DMXL2: variants seen among roughly 807,000 people sequenced by gnomAD.
The protein encoded by DMXL2 is dmX-like protein 2.
DMXL2 carries 103 observed loss-of-function variants against 331.1 expected under a neutral mutation model. The ratio of observed to expected loss-of-function variants is 0.31; its 90% CI spans 0.27 to 0.37. The LOEUF (loss-of-function observed/expected upper bound fraction) is 0.37, where lower values mean the gene tolerates loss of function less well. Among genes scored for constraint, DMXL2 ranks in the 10% least tolerant of loss-of-function variants. The pLI is 1.00. For missense variants in DMXL2, 3,171 were observed against 3,642.9 expected (o/e 0.87, Z 3.33); for synonymous variants, 1,281 against 1,252.1 (o/e 1.02, Z -0.49).
intron 39 of DMXL2, 147 bp from the exon 40 acceptor site, chr15:51,455,375 G>T: frequency 4.2e-6 from 3 of 721,160 alleles, no homozygotes; most frequent in Non-Finnish European, 6.9e-6. Flanking sequence ...AAAAGTCCAA[G>T]TGCTAAAAAA....
intron 6 of DMXL2, among the ~76,000 whole-genome samples, chr15:51,558,949 G>A (rs1018576046): frequency 6.6e-5 from 10 of 151,684 alleles, no homozygotes; most frequent in African/African-American, 2.4e-4. Context: ...GTAATGCTAC[G>A]TATTTTATTT....
chr15:51,453,554 T>A lies in DMXL2; in HGVS notation c.8692A>T (p.Asn2898Tyr). Reference sequence around the variant, plus strand: ...TTTGCTTTTCTGTCAACCTACCTATTGTCATTGGAGTGTCCAGATGTGGCA... The same window carrying A: ...TTTGCTTTTCTGTCAACCTACCTATAGTCATTGGAGTGTCCAGATGTGGCA... Reference protein sequence around the residue: ...LVATSGHSNDNRNVCLWDTLI... With the variant: ...LVATSGHSNDYRNVCLWDTLI... The change falls in exon 41 of 44, where the codon AAT (asparagine) becomes TAT (tyrosine). Residue 2898 changes from asparagine (N) to tyrosine (Y), a missense_variant. Physicochemically the swap from Asn to Tyr is moderately radical, Grantham distance 143. Coordinates refer to ENST00000560891, the MANE Select transcript of DMXL2 (RefSeq NM_001378457.1). The A allele has an allele frequency of 1.9e-6, 3 of 1,604,140 alleles. No homozygotes were observed. The highest frequency in any genetic ancestry group is 2.6e-6 in the Non-Finnish European group (3 of 1,175,832).
At chr15:51,622,176 G>C (rs1463940084) in intron 1 of DMXL2, among the ~76,000 whole-genome samples, 2 of 152,192 alleles carry the variant, frequency 1.3e-5, no homozygotes, top group Non-Finnish European at 1.5e-5. Flanking sequence ...GGCCGCCCTA[G>C]GAGGAGCCTT....
chr15:51,549,570 C>T (rs1486883090), intron 6 of DMXL2, among the ~76,000 whole-genome samples: 1 of 152,100 alleles, frequency 6.6e-6, no homozygotes, highest in Non-Finnish European at 1.5e-5. Context: ...GTTTACATTC[C>T]CAACATCAGT....
intron 13 of DMXL2, among the ~76,000 whole-genome samples, chr15:51,521,353 TAATA>T (rs2047350920): frequency 1.3e-5 from 2 of 151,646 alleles, no homozygotes; most frequent in African/African-American, 4.8e-5. Context: ...TTAAGTGAGT[TAATA>T]TATATAAAAC....
At chr15:51,526,003 C>T (rs1476758953) in intron 13 of DMXL2, among the ~76,000 whole-genome samples, 1 of 151,752 alleles carries the variant, frequency 6.6e-6, no homozygotes, top group African/African-American at 2.4e-5. Flanking sequence ...AGAACCAGTG[C>T]TGTGCTGGCT....
intron 1 of DMXL2, among the ~76,000 whole-genome samples, chr15:51,607,524 G>T (rs2053674768): frequency 6.6e-6 from 1 of 152,150 alleles, no homozygotes; most frequent in African/African-American, 2.4e-5. Flanking sequence ...AATAAAGTCA[G>T]AAAGTCTGAA....
At chr15:51,515,464 T>C (rs1211170238) in intron 14 of DMXL2, among the ~76,000 whole-genome samples, 3 of 152,182 alleles carry the variant, frequency 2.0e-5, no homozygotes, top group Non-Finnish European at 4.4e-5. Context: ...TACAATTTTA[T>C]GAAAGTTATA....
chr15:51,463,303 T>G, intron 33 of DMXL2, 76 bp downstream of exon 33: 1 of 915,116 alleles, frequency 1.1e-6, no homozygotes, highest in Non-Finnish European at 1.7e-6. Flanking sequence ...TCAGAATAAA[T>G]CAAGCACTGA....
At chr15:51,565,047 A>T in intron 4 of DMXL2, 41 bp downstream of exon 4, 1 of 1,145,028 alleles carries the variant, frequency 8.7e-7, no homozygotes, top group Non-Finnish European at 1.2e-6. Flanking sequence ...ATTTAAAACA[A>T]ATATTTAATT....
At chr15:51,553,500 T>C (rs574420185) in intron 6 of DMXL2, among the ~76,000 whole-genome samples, 1 of 152,316 alleles carries the variant, frequency 6.6e-6, no homozygotes, top group African/African-American at 2.4e-5. Flanking sequence ...ACAATATATA[T>C]GTTAAAGTAC....
chr15:51,621,536 G>A (rs1375895563), intron 1 of DMXL2, among the ~76,000 whole-genome samples: 1 of 152,122 alleles, frequency 6.6e-6, no homozygotes, highest in Non-Finnish European at 1.5e-5. Flanking sequence ...CTTTAAAAAA[G>A]AACTCAATTT....
rs541992828 is a variant in DMXL2 at position 51,451,502 on chromosome 15, TAGTC to T, written c.8749+139_8749+142del. ...TATGCTAATTAACTTTCCAAATTTT[TAGTC>T]ATTCATTCTAAATATTTCTCCATTT... On this transcript the variant is annotated intron_variant, in intron 42 of 43. Coordinates refer to ENST00000560891, the MANE Select transcript of DMXL2 (RefSeq NM_001378457.1). The T allele has an allele frequency of 1.4e-4, 90 of 650,522 alleles. 1 individual carries two copies. In the African/African-American group the frequency reaches 1.5e-3, roughly 11 times the overall value. 40.3% of individuals were successfully genotyped at this position (650,522 alleles called of 1,614,324 possible).
rs1375621278 is a variant in DMXL2, at chr15:51,563,466, G to A, written c.501-19C>T. On this transcript the variant is annotated intron_variant, in intron 5 of 43. Transcript: ENST00000560891. ...TGAGGTTCTAAAAAAGAGAGAGTTAGGCAATTAGCCCTTTTAAAATCTGGT... is the reference window on the plus strand; with the variant it reads ...TGAGGTTCTAAAAAAGAGAGAGTTAAGCAATTAGCCCTTTTAAAATCTGGT... 6.3e-7 allele frequency: 1 copy of A among 1,575,984 alleles called. No homozygotes were observed. The highest frequency in any genetic ancestry group is 8.7e-7 in the Non-Finnish European group (1 of 1,155,582).
chr15:51,490,598 C>T (rs2042725414), intron 20 of DMXL2, among the ~76,000 whole-genome samples: 1 of 152,182 alleles, frequency 6.6e-6, no homozygotes, highest in Admixed American at 6.5e-5. Context: ...GCTTGTTACC[C>T]ATCCTCTCTG....
At chr15:51,565,033 A>G (rs2050183703) in intron 4 of DMXL2, 55 bp downstream of exon 4, 1 of 1,022,472 alleles carries the variant, frequency 9.8e-7, no homozygotes, top group Non-Finnish European at 1.4e-6. Context: ...CATTATTATC[A>G]TACATTTAAA....
At chr15:51,465,290 G>A (rs1595907461) in intron 31 of DMXL2, among the ~76,000 whole-genome samples, 1 of 152,280 alleles carries the variant, frequency 6.6e-6, no homozygotes, top group Non-Finnish European at 1.5e-5. Flanking sequence ...AGCTACTCAG[G>A]AGACTGAGGT....
In DMXL2 at chr15:51,536,499, C is replaced by A. The variant is rs1295455171; in HGVS notation, c.1981G>T (p.Val661Phe). ...GAGGATGTCAATAACAGTGGTAAAA[C>A]TGAATGACATGCCAGGTCATTGAGG... ...FHLNDLACHSVLPLLLTSSHH... is the reference protein window; with the variant it reads ...FHLNDLACHSFLPLLLTSSHH... The change falls in exon 12 of 44, where the codon GTT (valine) becomes TTT (phenylalanine). Residue 661 changes from valine (V) to phenylalanine (F), a missense_variant. Physicochemically the swap from Val to Phe is conservative, Grantham distance 50 (BLOSUM62 -1). This residue lies in a region of DMXL2 where 1,674 missense variants were observed against 1,780.2 expected (regional missense o/e 0.94). Transcript: ENST00000560891. The A allele has an allele frequency of 6.2e-7, 1 of 1,613,832 alleles. No homozygotes were observed. Among genetic ancestry groups the A allele is most frequent in the Non-Finnish European group, 8.5e-7 (1 of 1,179,958 alleles).
chr15:51,507,574 C>T (rs2046483714), intron 15 of DMXL2, among the ~76,000 whole-genome samples: 1 of 151,744 alleles, frequency 6.6e-6, no homozygotes, highest in Non-Finnish European at 1.5e-5. Flanking sequence ...TATGAGTTCA[C>T]ACAAATACCA....
Sources: allele counts gnomAD v4.1 joint callset (sites outside exome capture counted in the v4.1 genomes callset), GRCh38; gene constraint gnomAD v4.1.1; regional missense constraint gnomAD v4.1.1; transcripts MANE v1.5; gene names NCBI Gene and HGNC (gene_info 2026-07-23, HGNC 2026-07-21).